P3H2: variants seen among roughly 807,000 people sequenced by gnomAD.
P3H2 encodes prolyl 3-hydroxylase 2.
In P3H2, 80 loss-of-function variants were observed where a neutral mutation model predicts 87.0. That is an observed-to-expected ratio of 0.92 (90% CI 0.77 to 1.11). The LOEUF is 1.11. Ranked by LOEUF, P3H2 falls within the 50% of genes least tolerant of loss-of-function variation. The probability of loss-of-function intolerance (pLI) is 0.00; values close to 1 mark genes in which losing one functional copy is unlikely to be tolerated. For synonymous variants in P3H2, 367 were observed against 359.3 expected (o/e 1.02, Z -0.24); for missense variants, 1,001 against 923.9 (o/e 1.08, Z -1.08).
At chr3:190,071,548 T>A (rs1221680893) in intron 1 of P3H2, among the ~76,000 whole-genome samples, 1 of 152,184 alleles carries the variant, frequency 6.6e-6, no homozygotes, top group Non-Finnish European at 1.5e-5. Flanking sequence ...ATCATTCCAA[T>A]GAAGAATGTA....
intron 1 of P3H2, among the ~76,000 whole-genome samples, chr3:190,014,164 T>G (rs1227737408): frequency 1.3e-5 from 2 of 152,196 alleles, no homozygotes; most frequent in Non-Finnish European, 2.9e-5. Context: ...GATTTGAATA[T>G]GAGAAGCAGG....
At chr3:189,982,048 A>G (rs912828700) in intron 8 of P3H2, among the ~76,000 whole-genome samples, 1 of 152,232 alleles carries the variant, frequency 6.6e-6, no homozygotes, top group Admixed American at 6.5e-5. Flanking sequence ...GAAGTACTGT[A>G]CAGCTTCCCA....
chr3:190,014,562 A>G (rs1724692920), intron 1 of P3H2, among the ~76,000 whole-genome samples: 1 of 152,214 alleles, frequency 6.6e-6, no homozygotes. Context: ...GAGACTGACG[A>G]CTGGAGAGAA....
intron 1 of P3H2, among the ~76,000 whole-genome samples, chr3:190,037,416 G>A (rs988703633): frequency 2.6e-5 from 4 of 152,044 alleles, no homozygotes; most frequent in Admixed American, 2.0e-4. Flanking sequence ...AGATCCCTAA[G>A]CTTCAGGAAA....
At chr3:190,007,802 C>T (rs1044635042) in intron 1 of P3H2, among the ~76,000 whole-genome samples, 20 of 115,936 alleles carry the variant, frequency 1.7e-4, no homozygotes, top group African/African-American at 5.0e-4. Context: ...TAGGATACAG[C>T]GTTCAGATTT....
chr3:190,030,528 C>G (rs1725220257), intron 1 of P3H2, among the ~76,000 whole-genome samples: 1 of 152,026 alleles, frequency 6.6e-6, no homozygotes, highest in Non-Finnish European at 1.5e-5. Flanking sequence ...TTCACTCCAG[C>G]CTCGGCAAGA....
chr3:189,961,378 T>TCGAACATC (rs1722805571), intron 14 of P3H2, among the ~76,000 whole-genome samples: 1 of 152,230 alleles, frequency 6.6e-6, no homozygotes, highest in African/African-American at 2.4e-5. Flanking sequence ...ATATGAAGCT[T>TCGAACATC]CGAACATCCT....
At chr3:189,994,332 A>G (rs775721568) in intron 2 of P3H2, 49 bp from the exon 3 acceptor site, 20 of 1,495,930 alleles carry the variant, frequency 1.3e-5, no homozygotes, top group Non-Finnish European at 1.9e-5. Context: ...AAACAAACAA[A>G]CAAAAAAACC....
chr3:190,098,562 T>C lies in P3H2; in HGVS notation c.480+21690A>G, dbSNP rs181658091. ...CTGTTACTATTCTAAGTGCCTAACTTGTATTCACTAATGAAATCCTCGCAA... is the reference window on the plus strand; with the variant it reads ...CTGTTACTATTCTAAGTGCCTAACTCGTATTCACTAATGAAATCCTCGCAA... On this transcript the variant is annotated intron_variant, in intron 1 of 14. Coordinates refer to ENST00000319332, the MANE Select transcript of P3H2 (RefSeq NM_018192.4). 1.9e-4 allele frequency among the ~76,000 whole-genome samples: 29 copies of C among 152,326 alleles called. 1 individual carries two copies. The East Asian group carries it at 5.6e-3, about 29-fold the overall frequency.
At chr3:190,069,125 T>A (rs1577307425) in intron 1 of P3H2, among the ~76,000 whole-genome samples, 5 of 152,226 alleles carry the variant, frequency 3.3e-5, no homozygotes, top group Admixed American at 3.3e-4. Context: ...CATGGTAAAG[T>A]TCAATAAATA....
intron 1 of P3H2, among the ~76,000 whole-genome samples, chr3:190,095,641 C>T (rs1421150829): frequency 2.0e-5 from 3 of 150,274 alleles, no homozygotes; most frequent in East Asian, 2.0e-4. Context: ...CGCTCTGTCA[C>T]CCAGGCTGGA....
chr3:189,958,147 C>A, intron 14 of P3H2, 143 bp from the exon 15 acceptor site: 1 of 706,386 alleles, frequency 1.4e-6, no homozygotes. Flanking sequence ...TCCTCTTCAT[C>A]CCCAGACAGA....
rs1042298012 is a variant in P3H2, at chr3:189,974,159, A to G, written c.1453-155T>C. 23 of 662,356 alleles carry G rather than the reference A, an allele frequency of 3.5e-5. No individual in the cohort carries two copies. In the African/African-American group the frequency reaches 3.8e-4, roughly 11 times the overall value. 41.0% of individuals were successfully genotyped at this position (662,356 alleles called of 1,614,324 possible). On this transcript the variant is annotated intron_variant, in intron 9 of 14. Transcript: ENST00000319332. ...TGCTGGTATAACTATTCTTTTAATT[A>G]AAAGAGATATCTTTATTTAATCTTC...
At chr3:190,019,415 A>G (rs1724865333) in intron 1 of P3H2, among the ~76,000 whole-genome samples, 1 of 152,190 alleles carries the variant, frequency 6.6e-6, no homozygotes, top group African/African-American at 2.4e-5. Flanking sequence ...TTGTCAAAAT[A>G]TTCAATAGCA....
At chr3:190,108,605 G>A (rs1254137241) in intron 1 of P3H2, among the ~76,000 whole-genome samples, 3 of 151,898 alleles carry the variant, frequency 2.0e-5, no homozygotes, top group Non-Finnish European at 4.4e-5. Context: ...AATCACATAG[G>A]AGTGCCTCTG....
At chr3:190,098,871 C>A (rs755384650) in intron 1 of P3H2, among the ~76,000 whole-genome samples, 3 of 152,150 alleles carry the variant, frequency 2.0e-5, no homozygotes, top group African/African-American at 7.2e-5. Context: ...TAAGGTCATA[C>A]AAGCTCTTCA....
intron 1 of P3H2, among the ~76,000 whole-genome samples, chr3:190,105,129 C>T (rs1577326205): frequency 6.6e-6 from 1 of 152,310 alleles, no homozygotes. Context: ...AAATCTCATT[C>T]ATTTCAACAT....
rs185995861 is a variant in P3H2, at chr3:190,000,742, A to G, written c.481-5300T>C. Among the ~76,000 whole-genome samples, 115 of 152,360 alleles carry G rather than the reference A, an allele frequency of 7.5e-4. 1 individual carries two copies. Among genetic ancestry groups the G allele is most frequent in the African/African-American group, 2.6e-3 (108 of 41,578 alleles). ...TTGATGTGTTTTCAAAGCAGAGCAG[A>G]GATCAAGGAGGGAGATTTTAGAAGT... On this transcript the variant is annotated intron_variant, in intron 1 of 14. Coordinates refer to ENST00000319332, the MANE Select transcript of P3H2 (RefSeq NM_018192.4).
rs146469719 is a variant in P3H2, at chr3:190,073,335, A to G, written c.480+46917T>C. On this transcript the variant is annotated intron_variant, in intron 1 of 14. Coordinates refer to ENST00000319332, the MANE Select transcript of P3H2 (RefSeq NM_018192.4). ...TTCCAACCTCTCATCCCATTTCTTC[A>G]GTTCCACAGATAAGAAGTGCTGTGA... Among the ~76,000 whole-genome samples, 14 of 152,302 alleles carry G rather than the reference A, an allele frequency of 9.2e-5. No homozygotes were observed. In the East Asian group the frequency reaches 2.7e-3, roughly 29 times the overall value.
Sources: allele counts gnomAD v4.1 joint callset (sites outside exome capture counted in the v4.1 genomes callset), GRCh38; gene constraint gnomAD v4.1.1; transcripts MANE v1.5; gene names NCBI Gene and HGNC (gene_info 2026-07-23, HGNC 2026-07-21).